UNC13C: variants seen among roughly 807,000 people sequenced by gnomAD.
The protein encoded by UNC13C is protein unc-13 homolog C.
In UNC13C, 174 loss-of-function variants were observed where a neutral mutation model predicts 245.4. That is an observed-to-expected ratio of 0.71 (90% confidence interval 0.63 to 0.80). The LOEUF (loss-of-function observed/expected upper bound fraction) is 0.80. Ranked by LOEUF, UNC13C falls within the 30% of genes least tolerant of loss-of-function variation. The pLI is 0.00. For synonymous variants in UNC13C, 992 were observed against 895.1 expected (o/e 1.11, Z -1.93); for missense variants, 2,829 against 2,602.9 (o/e 1.09, Z -1.89).
At chr15:54,064,364 G>A (rs1400790094) in intron 2 of UNC13C, among the ~76,000 whole-genome samples, 1 of 152,154 alleles carries the variant, frequency 6.6e-6, no homozygotes, top group African/African-American at 2.4e-5. Context: ...CAACCTCGAA[G>A]TTTGAGAACC....
intron 32 of UNC13C, 93 bp from the exon 33 acceptor site, chr15:54,626,735 A>C: frequency 9.1e-7 from 1 of 1,097,538 alleles, no homozygotes; most frequent in East Asian, 2.6e-5. Context: ...AATCAGATCC[A>C]ATGTATACAG....
At position 54,439,456 on chromosome 15, in the gene UNC13C, T is replaced by C. The variant is rs549714495; in HGVS notation, c.4933+24389T>C. ...ATAATTTTGATAATTTTGAAGTTAT[T>C]TGACTTGTATATATTGCTCAATTAT... On this transcript the variant is annotated intron_variant, in intron 19 of 32. Coordinates refer to ENST00000260323, the MANE Select transcript of UNC13C (RefSeq NM_001080534.3). Among the ~76,000 whole-genome samples the C allele has an allele frequency of 5.9e-5, 9 of 152,130 alleles. No individual in the cohort carries two copies. The East Asian group carries it at 1.7e-3, about 30-fold the overall frequency.
intron 17 of UNC13C, among the ~76,000 whole-genome samples, chr15:54,365,144 G>A (rs1596287597): frequency 1.3e-5 from 2 of 151,600 alleles, no homozygotes; most frequent in South Asian, 4.2e-4. Context: ...CTGTTTTCTT[G>A]GCCCTCTCAG....
At chr15:53,949,058 G>A in the UNC13C span, among the ~76,000 whole-genome samples, 2 of 152,184 alleles carry the variant, frequency 1.3e-5, no homozygotes, top group Non-Finnish European at 2.9e-5. Flanking sequence ...CTTCCCTCAA[G>A]GGACTTATAA....
the UNC13C span, among the ~76,000 whole-genome samples, chr15:53,970,107 G>A: frequency 6.6e-6 from 1 of 150,904 alleles, no homozygotes; most frequent in Non-Finnish European, 1.5e-5. Flanking sequence ...CTGGAGTTCA[G>A]TGGTGTGATC....
At chr15:54,536,949 C>A (rs1311704225) in intron 26 of UNC13C, among the ~76,000 whole-genome samples, 2 of 152,062 alleles carry the variant, frequency 1.3e-5, no homozygotes. Context: ...CTCACTACTC[C>A]TATTCAACAT....
intron 19 of UNC13C, among the ~76,000 whole-genome samples, chr15:54,418,980 T>A (rs1030130018): frequency 1.3e-5 from 2 of 152,088 alleles, no homozygotes; most frequent in Admixed American, 1.3e-4. Flanking sequence ...CCCTTGCAAT[T>A]GAGTTGAAAC....
chr15:54,018,805 A>T lies in UNC13C; in HGVS notation c.2983+2919A>T, dbSNP rs1422461956. Among the ~76,000 whole-genome samples the T allele has an allele frequency of 2.0e-5, 3 of 152,182 alleles. No individual in the cohort carries two copies. The East Asian group carries it at 5.8e-4, about 29-fold the overall frequency. Reference sequence around the variant, plus strand: ...TCTATTCCAGAATAGTCTAGAGGCAAGTTGTCTTTTTTTTTAATCCTTTAA... The same window carrying T: ...TCTATTCCAGAATAGTCTAGAGGCATGTTGTCTTTTTTTTTAATCCTTTAA... On this transcript the variant is annotated intron_variant, in intron 2 of 32. Coordinates refer to ENST00000260323, the MANE Select transcript of UNC13C (RefSeq NM_001080534.3).
the UNC13C span, among the ~76,000 whole-genome samples, chr15:53,945,728 C>CT: frequency 5.3e-5 from 8 of 150,564 alleles, no homozygotes; most frequent in East Asian, 7.8e-4. Context: ...GTTATTTGAG[C>CT]TTTTTTTTTG....
At chr15:53,983,837 C>G (rs1266871778) in intron 1 of UNC13C, among the ~76,000 whole-genome samples, 1 of 151,914 alleles carries the variant, frequency 6.6e-6, no homozygotes, top group African/African-American at 2.4e-5. Flanking sequence ...GCTCCTCTTC[C>G]TAATTGCTTC....
chr15:54,588,607 C>T (rs1038248715), intron 30 of UNC13C, among the ~76,000 whole-genome samples: 15 of 152,148 alleles, frequency 9.9e-5, no homozygotes, highest in East Asian at 5.8e-4. Flanking sequence ...GTATACACTG[C>T]GCCATATTTC....
intron 17 of UNC13C, among the ~76,000 whole-genome samples, chr15:54,381,874 G>A (rs935688733): frequency 6.6e-6 from 1 of 152,076 alleles, no homozygotes; most frequent in Non-Finnish European, 1.5e-5. Context: ...CAGAGACATT[G>A]GACTTAAACT....
rs540368464 is a variant in UNC13C at position 54,031,126 on chromosome 15, G to A, written c.2983+15240G>A. Among the ~76,000 whole-genome samples the A allele has an allele frequency of 8.5e-5, 13 of 152,082 alleles. No homozygotes were observed. In the South Asian group the frequency reaches 1.5e-3, roughly 17 times the overall value. On this transcript the variant is annotated intron_variant, in intron 2 of 32. Transcript: ENST00000260323. ...CTTTGTAGAATGAGTGATATTTATC[G>A]TAACTGATTTTCAGTTGATAAGCTG... is the stretch of plus-strand genomic sequence containing the variant.
At chr15:54,427,184 A>G (rs1468269393) in intron 19 of UNC13C, among the ~76,000 whole-genome samples, 1 of 151,762 alleles carries the variant, frequency 6.6e-6, no homozygotes, top group Non-Finnish European at 1.5e-5. Context: ...TGAAACCTCA[A>G]CTCGAATTGT....
intron 30 of UNC13C, among the ~76,000 whole-genome samples, chr15:54,587,811 A>C (rs1898571556): frequency 6.6e-6 from 1 of 152,218 alleles, no homozygotes; most frequent in Non-Finnish European, 1.5e-5. Context: ...TATTCAGTCA[A>C]ATAAAAGGTA....
chr15:53,996,361 C>T (rs2616917), intron 1 of UNC13C, among the ~76,000 whole-genome samples: 131,170 of 152,156 alleles, frequency 0.86, 56,596 homozygotes, highest in South Asian at 0.95. Flanking sequence ...CTGGTCTTTG[C>T]GGTAAAGATT....
chr15:54,507,153 G>GT lies in UNC13C; in HGVS notation c.5339dup (p.Ser1781IlefsTer3). The GT allele has an allele frequency of 6.3e-7, 1 of 1,599,768 alleles. No individual in the cohort carries two copies. Among genetic ancestry groups the GT allele is most frequent in the Non-Finnish European group, 8.5e-7 (1 of 1,172,154 alleles). On this transcript the variant is annotated frameshift_variant, in exon 23 of 33. Transcript: ENST00000260323. LOFTEE classifies it high-confidence loss of function. ...AGTGCTGCTCCAGTATGCTGCAATT[G>GT]TATCAAGTGATTTCAGTTCACATTG...
At chr15:53,954,653 G>A in the UNC13C span, among the ~76,000 whole-genome samples, 1 of 152,136 alleles carries the variant, frequency 6.6e-6, no homozygotes, top group Admixed American at 6.6e-5. Context: ...TTCAAATGGG[G>A]TATGAGTTAG....
chr15:54,232,896 T>G (rs2035591162), intron 4 of UNC13C, among the ~76,000 whole-genome samples: 1 of 152,062 alleles, frequency 6.6e-6, no homozygotes, highest in Non-Finnish European at 1.5e-5. Context: ...TCACTTAGCC[T>G]TTTTCCATGT....
Sources: gnomAD v4.1 joint callset for allele counts (sites outside exome capture counted in the v4.1 genomes callset) on GRCh38, gnomAD v4.1.1 for gene constraint, MANE v1.5 for transcripts, NCBI Gene and HGNC (gene_info 2026-07-23, HGNC 2026-07-21) for gene names.